Variants in ZNF462 observed in about 807,000 individuals in gnomAD.
The protein encoded by ZNF462 is zinc finger PBX1-interacting protein.
A neutral mutation model predicts 201.9 loss-of-function variants in ZNF462; 10 were observed. The observed-to-expected ratio is 0.05, with a 90% CI of 0.03 to 0.08. The LOEUF (loss-of-function observed/expected upper bound fraction) is 0.08. Ranked by LOEUF, ZNF462 falls within the 10% of genes least tolerant of loss-of-function variation. ZNF462 has a pLI of 1.00. For missense variants in ZNF462, 2,523 were observed against 3,168.3 expected, an observed-to-expected ratio of 0.80 and a Z score of 4.89; for synonymous variants, 1,227 against 1,193.3, an observed-to-expected ratio of 1.03 and a Z score of -0.58.
In ZNF462 at chr9:106,970,971, C is replaced by T. The variant is rs1313623209; in HGVS notation, c.6428-1034C>T. Among the ~76,000 whole-genome samples, 3 of 152,010 alleles carry T rather than the reference C, an allele frequency of 2.0e-5. No homozygotes were observed. Among genetic ancestry groups the T allele is most frequent in the African/African-American group, 7.2e-5 (3 of 41,382 alleles). On this transcript the variant is annotated intron_variant, in intron 7 of 12. Coordinates refer to ENST00000277225, the MANE Select transcript of ZNF462 (RefSeq NM_021224.6). This position sits in a 1 kb window ranked among gnomAD's most constrained non-coding sequence, Gnocchi z 4.2. ...TCATTTCCGACATTTTCCTCAGAAT[C>T]GCAAACTTTAAAATACCTTTCAGGG...
rs943895440 is a variant in ZNF462 at position 106,883,776 on chromosome 9, G to A, written c.-31+20421G>A. 7.2e-5 allele frequency among the ~76,000 whole-genome samples: 11 copies of A among 152,258 alleles called. No individual in the cohort carries two copies. Among genetic ancestry groups the A allele is most frequent in the Non-Finnish European group, 1.3e-4 (9 of 67,992 alleles). ...TTTATCCTTCTACCTGGAATCAGCA[G>A]CCCTGGCTTGTTCATTTAGATGGAC... On this transcript the variant is annotated intron_variant, in intron 1 of 12. Transcript: ENST00000277225. The surrounding 1 kb of genome is among the most constrained non-coding windows in gnomAD (Gnocchi z 4.9).
Position 107,006,142 on chromosome 9 carries a change from G to A in ZNF462, c.7189+2716G>A, listed in dbSNP as rs1233495005. Among the ~76,000 whole-genome samples the A allele has an allele frequency of 6.6e-6, 1 of 152,076 alleles. No individual in the cohort carries two copies. The highest frequency in any genetic ancestry group is 1.5e-5 in the Non-Finnish European group (1 of 68,002). ...TGGTGCCTCCAACTTCGTTCTGTTT[G>A]TTTAAGATTTCTTTGGCTATCCAGG... On this transcript the variant is annotated intron_variant, in intron 11 of 12. Coordinates refer to ENST00000277225, the MANE Select transcript of ZNF462 (RefSeq NM_021224.6). The surrounding 1 kb of genome is among the most constrained non-coding windows in gnomAD (Gnocchi z 4.3).
rs533440968 is a variant in ZNF462 at position 106,968,732 on chromosome 9, A to T, written c.6428-3273A>T. Among the ~76,000 whole-genome samples, 33 of 152,322 alleles carry T rather than the reference A, an allele frequency of 2.2e-4. No homozygotes were observed. The South Asian group carries it at 6.4e-3, about 30-fold the overall frequency. On this transcript the variant is annotated intron_variant, in intron 7 of 12. Coordinates refer to ENST00000277225, the MANE Select transcript of ZNF462 (RefSeq NM_021224.6). The surrounding 1 kb of genome is among the most constrained non-coding windows in gnomAD (Gnocchi z 4.0). ...TTCCCACTGAATTCACATCCATGTG[A>T]TTCAGCTGCTGTATTTCCCCATGAC...
At chr9:106,891,695 C>T (rs1323522328) in intron 1 of ZNF462, among the ~76,000 whole-genome samples, 2 of 152,126 alleles carry the variant, frequency 1.3e-5, no homozygotes, top group Non-Finnish European at 2.9e-5. Flanking sequence ...TTCCCCTCTC[C>T]ACACCCTTGA....
At chr9:106,994,608 C>A (rs968788070) in intron 10 of ZNF462, among the ~76,000 whole-genome samples, 1 of 152,076 alleles carries the variant, frequency 6.6e-6, no homozygotes, top group Non-Finnish European at 1.5e-5. Flanking sequence ...TATGCCATTT[C>A]GTTTCTGCTT....
intron 7 of ZNF462, among the ~76,000 whole-genome samples, chr9:106,960,779 G>A (rs1246968042): frequency 6.6e-6 from 1 of 152,086 alleles, no homozygotes; most frequent in African/African-American, 2.4e-5. Flanking sequence ...AGAAGGAATA[G>A]CTACAGTGGC....
chr9:106,916,952 C>T (rs114424972), intron 1 of ZNF462, among the ~76,000 whole-genome samples: 126 of 152,348 alleles, frequency 8.3e-4, no homozygotes, highest in African/African-American at 2.9e-3. Flanking sequence ...TGCTTCCTCC[C>T]TTTCTTTTCT....
intron 1 of ZNF462, among the ~76,000 whole-genome samples, chr9:106,889,758 AT>A (rs1354946926): frequency 5.3e-5 from 8 of 152,144 alleles, no homozygotes; most frequent in African/African-American, 1.7e-4. Flanking sequence ...ATAATCTAGT[AT>A]TTACATCTCC....
Position 107,006,804 on chromosome 9 carries a change from T to A in ZNF462, c.7190-2741T>A, listed in dbSNP as rs1829578963. 6.6e-6 allele frequency among the ~76,000 whole-genome samples: 1 copy of A among 152,192 alleles called. No individual in the cohort carries two copies. The highest frequency in any genetic ancestry group is 1.5e-5 in the Non-Finnish European group (1 of 68,032). ...GTACACTACCCTTTCAAAAACCCTG[T>A]GCCTGTATTAACCTGAAAAATACAT... is the stretch of plus-strand genomic sequence containing the variant. On this transcript the variant is annotated intron_variant, in intron 11 of 12. Coordinates refer to ENST00000277225, the MANE Select transcript of ZNF462 (RefSeq NM_021224.6). The surrounding 1 kb of genome is among the most constrained non-coding windows in gnomAD (Gnocchi z 4.3).
intron 1 of ZNF462, among the ~76,000 whole-genome samples, chr9:106,908,910 CATAT>C (rs1192231869): frequency 0.021 from 928 of 43,960 alleles, 26 homozygotes; most frequent in East Asian, 0.054. Flanking sequence ...CCCATATATA[CATAT>C]ATATATATAT....
In ZNF462 at chr9:106,872,001, G is replaced by A. The variant is rs575981466; in HGVS notation, c.-31+8646G>A. On this transcript the variant is annotated intron_variant, in intron 1 of 12. Transcript: ENST00000277225. This position sits in a 1 kb window ranked among gnomAD's most constrained non-coding sequence, Gnocchi z 4.5. ...CCATTGACTTGAGCCAAGCGTCACA[G>A]GCTGGTCTGTCCTTCCAGTCCCAGC... Among the ~76,000 whole-genome samples the A allele has an allele frequency of 2.0e-5, 3 of 152,302 alleles. No homozygotes were observed. In the East Asian group the frequency reaches 5.8e-4, roughly 29 times the overall value.
intron 10 of ZNF462, among the ~76,000 whole-genome samples, chr9:106,996,854 G>A (rs116849040): frequency 0.018 from 2,723 of 152,134 alleles, 43 homozygotes; most frequent in Non-Finnish European, 0.026. Context: ...CATTTATTGT[G>A]TGTCAAGTGT....
intron 1 of ZNF462, among the ~76,000 whole-genome samples, chr9:106,889,001 C>T (rs1564078471): frequency 6.6e-6 from 1 of 152,222 alleles, no homozygotes; most frequent in East Asian, 1.9e-4. Flanking sequence ...GAATGATCCC[C>T]TTTCACTTTA....
At position 106,932,932 on chromosome 9, in the gene ZNF462, T is replaced by C. The variant is rs1213427124; in HGVS notation, c.6116+383T>C. The C allele has an allele frequency of 3.2e-6, 1 of 317,302 alleles. No individual in the cohort carries two copies. Among genetic ancestry groups the C allele is most frequent in the African/African-American group, 2.2e-5 (1 of 45,016 alleles). The allele number at this position is 317,302 out of a possible 1,614,324, so 19.7% of individuals were successfully genotyped here. On this transcript the variant is annotated intron_variant, in intron 5 of 12. Transcript: ENST00000277225. The surrounding 1 kb of genome is among the most constrained non-coding windows in gnomAD (Gnocchi z 6.8). ...AACTGAGTTGCTAAAGAGGTAAAAT[T>C]AGGACTATTAACCCATGTGACCAAA... is the stretch of plus-strand genomic sequence containing the variant.
chr9:106,894,275 G>T (rs1431409879), intron 1 of ZNF462, among the ~76,000 whole-genome samples: 1 of 152,196 alleles, frequency 6.6e-6, no homozygotes, highest in African/African-American at 2.4e-5. Context: ...TTTTGAGCTG[G>T]CTCAGCTCTG....
In ZNF462 at chr9:107,012,439, CTTT is replaced by C. The variant is rs962253808; in HGVS notation, c.*1432_*1434del. On this transcript the variant is annotated 3_prime_UTR_variant, in exon 13 of 13. Transcript: ENST00000277225. ...GCCTGGAGAACTACTTTCTTTCTTTCTTTTTTTTTTTTTTTTTTTTTTTTTAAA... is the reference window on the plus strand; with the variant it reads ...GCCTGGAGAACTACTTTCTTTCTTTCTTTTTTTTTTTTTTTTTTTTTTAAA... The C allele has an allele frequency of 1.9e-4, 16 of 86,286 alleles. No individual in the cohort carries two copies. Among genetic ancestry groups the C allele is most frequent in the African/African-American group, 5.1e-4 (12 of 23,506 alleles). The allele number at this position is 86,286 out of a possible 1,614,324, so 5.3% of individuals were successfully genotyped here.
chr9:106,959,923 C>G (rs1831751984), intron 7 of ZNF462, among the ~76,000 whole-genome samples: 1 of 152,000 alleles, frequency 6.6e-6, no homozygotes, highest in South Asian at 2.1e-4. Flanking sequence ...AGGAGCTATC[C>G]TAAGGGAACA....
At chr9:106,998,581 T>G (rs1340504482) in intron 10 of ZNF462, among the ~76,000 whole-genome samples, 1 of 152,100 alleles carries the variant, frequency 6.6e-6, no homozygotes, top group African/African-American at 2.4e-5. Flanking sequence ...ATAAAACATT[T>G]GACACCTCAT....
At chr9:106,864,080 CTCTCTCTCTCTCTCTCTCTCTCTCT>C (rs1827198029) in intron 1 of ZNF462, among the ~76,000 whole-genome samples, 1 of 138,042 alleles carries the variant, frequency 7.2e-6, no homozygotes. Context: ...CTCTCTCTCT[CTCTCTCTCTCTCTCTCTCTCTCTCT>C]CTCTCCCTCT....
Sources: gnomAD v4.1 joint callset for allele counts (sites outside exome capture counted in the v4.1 genomes callset) on GRCh38, gnomAD v4.1.1 for gene constraint, Gnocchi (gnomAD v3.1) non-coding constraint, MANE v1.5 for transcripts, NCBI Gene and HGNC (gene_info 2026-07-23, HGNC 2026-07-21) for gene names.